Variants in SORCS1 observed in about 807,000 individuals in gnomAD.
SORCS1 encodes the protein sortilin related VPS10 domain containing receptor 1.
In SORCS1, 60 loss-of-function variants were observed where a neutral mutation model predicts 146.1. The ratio of observed to expected loss-of-function variants is 0.41; its 90% CI spans 0.33 to 0.51. The LOEUF is 0.51. Among genes scored for constraint, SORCS1 ranks in the 20% least tolerant of loss-of-function variants. The pLI, the probability that SORCS1 is intolerant of heterozygous loss-of-function variation, is 0.21. For missense variants in SORCS1, 1,352 were observed against 1,487.6 expected, an observed-to-expected ratio of 0.91 and a Z score of 1.50; for synonymous variants, 637 against 584.0, an observed-to-expected ratio of 1.09 and a Z score of -1.31.
intron 18 of SORCS1, among the ~76,000 whole-genome samples, chr10:106,641,316 A>G (rs1292433095): frequency 1.3e-5 from 2 of 152,188 alleles, no homozygotes; most frequent in Non-Finnish European, 2.9e-5. Context: ...TTTCTTGCAC[A>G]TATTAAATCT....
chr10:106,718,631 T>A (rs1855556190), intron 6 of SORCS1, among the ~76,000 whole-genome samples: 2 of 152,176 alleles, frequency 1.3e-5, no homozygotes, highest in African/African-American at 2.4e-5. Context: ...GGAACCCGAG[T>A]GGGTTGCCAC....
intron 2 of SORCS1, among the ~76,000 whole-genome samples, chr10:106,951,895 C>T (rs574907931): frequency 1.5e-4 from 23 of 152,260 alleles, no homozygotes; most frequent in Admixed American, 1.0e-3. Flanking sequence ...ATAGACACTT[C>T]TTTTGGATAA....
At chr10:106,930,045 G>A (rs187897517) in intron 2 of SORCS1, among the ~76,000 whole-genome samples, 14 of 152,246 alleles carry the variant, frequency 9.2e-5, no homozygotes, top group Non-Finnish European at 2.1e-4. Flanking sequence ...AGGAGATTGA[G>A]ACCATCCTGG....
intron 5 of SORCS1, among the ~76,000 whole-genome samples, chr10:106,747,812 C>T (rs1857853517): frequency 6.6e-6 from 1 of 152,078 alleles, no homozygotes; most frequent in Non-Finnish European, 1.5e-5. Context: ...AGAATGATCC[C>T]AGCCCAAAGA....
At chr10:107,010,761 TA>T (rs1195479894) in intron 1 of SORCS1, among the ~76,000 whole-genome samples, 1 of 152,198 alleles carries the variant, frequency 6.6e-6, no homozygotes, top group African/African-American at 2.4e-5. Flanking sequence ...ACCGAGTTCA[TA>T]AGCAGCTTCC....
At chr10:107,037,161 G>T (rs1249970723) in intron 1 of SORCS1, among the ~76,000 whole-genome samples, 1 of 152,186 alleles carries the variant, frequency 6.6e-6, no homozygotes, top group African/African-American at 2.4e-5. Flanking sequence ...AGGGAGAATT[G>T]CTTGAACCTG....
At chr10:107,013,306 T>A (rs758366755) in intron 1 of SORCS1, among the ~76,000 whole-genome samples, 1 of 151,982 alleles carries the variant, frequency 6.6e-6, no homozygotes, top group Non-Finnish European at 1.5e-5. Context: ...TCACTGAAAT[T>A]CAGCAAGAAA....
chr10:106,729,902 C>T, intron 6 of SORCS1, 148 bp downstream of exon 6: 1 of 822,624 alleles, frequency 1.2e-6, no homozygotes, highest in Non-Finnish European at 1.9e-6. Context: ...TCAAAAGAAG[C>T]AGGTCACCCC....
intron 1 of SORCS1, among the ~76,000 whole-genome samples, chr10:107,081,507 A>G (rs905756310): frequency 4.6e-5 from 7 of 152,202 alleles, no homozygotes; most frequent in Admixed American, 1.3e-4. Context: ...TGGGTGAGAG[A>G]CTTGAGAACT....
At chr10:106,950,466 G>A (rs558755983) in intron 2 of SORCS1, among the ~76,000 whole-genome samples, 2 of 152,162 alleles carry the variant, frequency 1.3e-5, no homozygotes, top group African/African-American at 4.8e-5. Flanking sequence ...AAAAGTGCAC[G>A]TATCTACTTG....
chr10:106,637,524 C>T (rs746805996), intron 18 of SORCS1, among the ~76,000 whole-genome samples: 8 of 152,176 alleles, frequency 5.3e-5, no homozygotes, highest in Non-Finnish European at 8.8e-5. Context: ...ACCTCCTGAG[C>T]TTCTGTGCAA....
At chr10:107,004,133 G>A (rs935209649) in intron 1 of SORCS1, among the ~76,000 whole-genome samples, 5 of 129,652 alleles carry the variant, frequency 3.9e-5, no homozygotes, top group Non-Finnish European at 6.1e-5. Context: ...CCGAGATTGC[G>A]CCACTGCACT....
At chr10:107,028,036 A>C (rs1338641637) in intron 1 of SORCS1, among the ~76,000 whole-genome samples, 2 of 152,202 alleles carry the variant, frequency 1.3e-5, no homozygotes, top group Non-Finnish European at 2.9e-5. Context: ...TTATCAAAGA[A>C]AGAAAACAGA....
At chr10:107,133,423 C>T (rs561246533) in intron 1 of SORCS1, among the ~76,000 whole-genome samples, 44 of 152,200 alleles carry the variant, frequency 2.9e-4, no homozygotes, top group African/African-American at 9.9e-4. Flanking sequence ...GAGAAAGTCC[C>T]TCCTGTGTTT....
chr10:106,801,338 A>G (rs1041090071), intron 3 of SORCS1, among the ~76,000 whole-genome samples: 10 of 152,138 alleles, frequency 6.6e-5, no homozygotes, highest in African/African-American at 2.4e-4. Context: ...GGAATTAAGA[A>G]AAATTTCTAA....
intron 1 of SORCS1, among the ~76,000 whole-genome samples, chr10:107,154,651 T>A (rs148074674): frequency 0.013 from 2,020 of 152,208 alleles, 42 homozygotes; most frequent in African/African-American, 0.046. Context: ...AATCTTCAAT[T>A]TAAGAAAATA....
intron 2 of SORCS1, among the ~76,000 whole-genome samples, chr10:106,912,283 G>C (rs1952204508): frequency 1.3e-5 from 2 of 152,114 alleles, no homozygotes; most frequent in African/African-American, 4.8e-5. Flanking sequence ...AATCCCATAA[G>C]TCAGAATAAC....
chr10:107,017,797 C>T (rs186471628), intron 1 of SORCS1, among the ~76,000 whole-genome samples: 82 of 152,208 alleles, frequency 5.4e-4, no homozygotes, highest in South Asian at 1.7e-3. Flanking sequence ...CACCCAAGTG[C>T]GTGCCACCAC....
At chr10:106,853,423 G>A (rs1949666472) in intron 2 of SORCS1, among the ~76,000 whole-genome samples, 1 of 150,666 alleles carries the variant, frequency 6.6e-6, no homozygotes, top group Non-Finnish European at 1.5e-5. Context: ...AAAAAAACAG[G>A]TTTTGGTTTT....
Sources: gnomAD v4.1 joint callset for allele counts (sites outside exome capture counted in the v4.1 genomes callset) on GRCh38, gnomAD v4.1.1 for gene constraint, MANE v1.5 for transcripts, NCBI Gene and HGNC (gene_info 2026-07-23, HGNC 2026-07-21) for gene names.